Variants in DACH2 observed in about 807,000 individuals in gnomAD.
The protein encoded by DACH2 is dachshund homolog 2.
DACH2 carries 17 observed loss-of-function variants against 35.8 expected under a neutral mutation model. The observed-to-expected ratio is 0.48, with a 90% CI of 0.33 to 0.71. The LOEUF (loss-of-function observed/expected upper bound fraction) is 0.71. Ranked by LOEUF, DACH2 falls within the 30% of genes least tolerant of loss-of-function variation. The pLI, the probability that DACH2 is intolerant of heterozygous loss-of-function variation, is 0.02. For synonymous variants in DACH2, 195 were observed against 177.3 expected (o/e 1.10, Z -0.79); for missense variants, 469 against 472.7 (o/e 0.99, Z 0.07).
intron 2 of DACH2, among the ~76,000 whole-genome samples, chrX:86,429,535 ATTTCTTTTCT>A (rs144228984): frequency 2.2e-3 from 220 of 101,503 alleles, no homozygotes; most frequent in Middle Eastern, 4.9e-3. Context: ...TCTAGAGTGC[ATTTCTTTTCT>A]TTTCTTTTCT....
intron 5 of DACH2, among the ~76,000 whole-genome samples, chrX:86,698,505 G>T (rs374093789): frequency 0.055 from 1,613 of 29,232 alleles, 113 homozygotes; most frequent in Middle Eastern, 0.16. Context: ...TCTTCTTTTT[G>T]TTTTGTTAGT....
In DACH2 at chrX:86,612,523, T is replaced by C. The variant is rs561921073; in HGVS notation, c.641-38513T>C. On this transcript the variant is annotated intron_variant, in intron 3 of 11. Transcript: ENST00000373125. ...AGGCTTACCAATGTCAATTTTTGAA[T>C]GTTAAAATGGGAAATTCCCTTCTGG... is the stretch of plus-strand genomic sequence containing the variant. Among the ~76,000 whole-genome samples, 23 of 111,773 alleles carry C rather than the reference T, an allele frequency of 2.1e-4. 1 individual carries two copies. The South Asian group carries it at 8.6e-3, about 42-fold the overall frequency.
At chrX:86,746,565 CTATT>C (rs1403622999) in intron 7 of DACH2, among the ~76,000 whole-genome samples, 1 of 111,590 alleles carries the variant, frequency 9.0e-6, no homozygotes, top group Non-Finnish European at 1.9e-5. Flanking sequence ...GGACAAATAT[CTATT>C]TAAGTCCTTT....
chrX:86,321,139 A>G (rs1454948715), intron 1 of DACH2, among the ~76,000 whole-genome samples: 6 of 111,459 alleles, frequency 5.4e-5, no homozygotes, highest in African/African-American at 9.8e-5. Flanking sequence ...TTGAAACCCT[A>G]TATCCCCTTT....
At chrX:86,325,430 G>A (rs1424953080) in intron 1 of DACH2, among the ~76,000 whole-genome samples, 1 of 111,985 alleles carries the variant, frequency 8.9e-6, no homozygotes, top group Non-Finnish European at 1.9e-5. Flanking sequence ...GACTCTGATT[G>A]TCCTTGGAAA....
chrX:86,163,506 A>T (rs1185318808), intron 1 of DACH2, among the ~76,000 whole-genome samples: 3 of 110,357 alleles, frequency 2.7e-5, no homozygotes, highest in Non-Finnish European at 5.7e-5. Flanking sequence ...TGTGACTGGG[A>T]TTTGTTATAC....
intron 2 of DACH2, among the ~76,000 whole-genome samples, chrX:86,470,140 G>A (rs1181428746): frequency 9.2e-6 from 1 of 108,304 alleles, no homozygotes; most frequent in Non-Finnish European, 1.9e-5. Flanking sequence ...TCACAAAAAA[G>A]TGATAAAAAG....
chrX:86,705,876 C>T (rs1030766652), intron 5 of DACH2, among the ~76,000 whole-genome samples: 1 of 111,515 alleles, frequency 9.0e-6, no homozygotes, highest in African/African-American at 3.3e-5. Flanking sequence ...ATAAAGATAA[C>T]GTGTTATATG....
chrX:86,730,723 ATATT>A (rs1234930318), intron 6 of DACH2, among the ~76,000 whole-genome samples: 1 of 111,970 alleles, frequency 8.9e-6, no homozygotes, highest in Non-Finnish European at 1.9e-5. Flanking sequence ...AAATGAACCC[ATATT>A]TATTCTTTTG....
chrX:86,345,449 A>G, intron 1 of DACH2: 1 of 296,059 alleles, frequency 3.4e-6, no homozygotes, highest in East Asian at 1.1e-4. Context: ...AAAGGAAGGA[A>G]AGATTGTAAA....
chrX:86,529,946 T>TACACACACAC lies in DACH2; in HGVS notation c.640+15576_640+15585dup, dbSNP rs779572561. Among the ~76,000 whole-genome samples the TACACACACAC allele has an allele frequency of 7.6e-5, 6 of 79,191 alleles. No homozygotes were observed. In the East Asian group the frequency reaches 2.1e-3, roughly 28 times the overall value. 68.8% of individuals were successfully genotyped at this position (79,191 alleles called of 115,157 possible). A position where few individuals can be genotyped will look rare whatever the true frequency, so the allele number is the denominator to read the frequency against. On this transcript the variant is annotated intron_variant, in intron 3 of 11. Transcript: ENST00000373125. ...TGGTCAAATAGTATTCCATTGTACA[T>TACACACACAC]ACACACACACACACACACACACACA...
At chrX:86,624,117 C>T (rs1474684643) in intron 3 of DACH2, among the ~76,000 whole-genome samples, 1 of 103,442 alleles carries the variant, frequency 9.7e-6, no homozygotes, top group Non-Finnish European at 2.0e-5. Context: ...TTTATAGAGT[C>T]AATAAATCTC....
At chrX:86,740,020 G>T (rs922407255) in intron 7 of DACH2, 138 bp downstream of exon 7, 10 of 545,679 alleles carry the variant, frequency 1.8e-5, no homozygotes, top group Non-Finnish European at 2.5e-5. Context: ...TTGGTCTTTT[G>T]TAATTGCTGA....
At chrX:86,523,226 C>T (rs1006393778) in intron 3 of DACH2, among the ~76,000 whole-genome samples, 4 of 111,515 alleles carry the variant, frequency 3.6e-5, no homozygotes, top group African/African-American at 1.3e-4. Flanking sequence ...TCGGGATTAG[C>T]AAAACCAAAA....
intron 2 of DACH2, among the ~76,000 whole-genome samples, chrX:86,473,038 C>T (rs1390466277): frequency 9.0e-6 from 1 of 111,189 alleles, no homozygotes; most frequent in East Asian, 2.8e-4. Context: ...TCTGTGGGTA[C>T]ATAGTAGGTA....
At chrX:86,216,787 G>A (rs1274057653) in intron 1 of DACH2, among the ~76,000 whole-genome samples, 3 of 111,235 alleles carry the variant, frequency 2.7e-5, no homozygotes, top group Non-Finnish European at 3.8e-5. Context: ...CATAGCAAGA[G>A]TTATAAACAT....
chrX:86,756,112 C>T (rs140486572), intron 7 of DACH2, among the ~76,000 whole-genome samples: 1,670 of 110,852 alleles, frequency 0.015, 27 homozygotes, highest in African/African-American at 0.052. Context: ...ATTTTTATAC[C>T]AAATACCATG....
At chrX:86,605,417 AT>A (rs1254822299) in intron 3 of DACH2, among the ~76,000 whole-genome samples, 8 of 108,396 alleles carry the variant, frequency 7.4e-5, no homozygotes, top group South Asian at 3.9e-4. Flanking sequence ...GAGTTGGCAC[AT>A]TTTTTTTTCT....
At chrX:86,302,122 A>ATATTT (rs1201284704) in intron 1 of DACH2, among the ~76,000 whole-genome samples, 9 of 111,458 alleles carry the variant, frequency 8.1e-5, no homozygotes, top group Non-Finnish European at 1.5e-4. Flanking sequence ...TTATACATAT[A>ATATTT]TATTTTATTT....
Sources: gnomAD v4.1 joint callset for allele counts (sites outside exome capture counted in the v4.1 genomes callset) on GRCh38, gnomAD v4.1.1 for gene constraint, MANE v1.5 for transcripts, NCBI Gene and HGNC (gene_info 2026-07-23, HGNC 2026-07-21) for gene names.